CAMTA1: variants seen among roughly 807,000 people sequenced by gnomAD.
The protein encoded by CAMTA1 is calmodulin binding transcription activator 1.
Under a neutral mutation model 170.9 loss-of-function variants are expected in CAMTA1, and 27 were observed. The observed-to-expected ratio is 0.16, with a 90% CI of 0.12 to 0.22. The LOEUF (loss-of-function observed/expected upper bound fraction) is 0.22, where lower values mean the gene tolerates loss of function less well. CAMTA1 is among the 10% of genes least tolerant of loss of function. CAMTA1 has a pLI of 1.00. For missense variants in CAMTA1, 1,619 were observed against 2,217.2 expected (o/e 0.73, Z 5.42); for synonymous variants, 833 against 891.5 (o/e 0.93, Z 1.17).
At position 7,244,920 on chromosome 1, in the gene CAMTA1, A is replaced by T. The variant is rs182914182; in HGVS notation, c.303-4571A>T. On this transcript the variant is annotated intron_variant, in intron 4 of 22. Coordinates refer to ENST00000303635, the MANE Select transcript of CAMTA1 (RefSeq NM_015215.4). Reference sequence around the variant, plus strand: ...TAATAATAAAAATAAATACATAAATAAATTAATTAATTAATTAACTTCGGA... The same window carrying T: ...TAATAATAAAAATAAATACATAAATTAATTAATTAATTAATTAACTTCGGA... Among the ~76,000 whole-genome samples the T allele has an allele frequency of 1.4e-3, 219 of 151,994 alleles. 2 individuals are homozygous for T. Among genetic ancestry groups the T allele is most frequent in the South Asian group, 4.4e-3 (21 of 4,822 alleles).
At chr1:7,430,422 A>G (rs2092102168) in intron 5 of CAMTA1, among the ~76,000 whole-genome samples, 1 of 151,992 alleles carries the variant, frequency 6.6e-6, no homozygotes, top group Non-Finnish European at 1.5e-5. Flanking sequence ...GAGGATGATG[A>G]TGATGGTGGA....
intron 3 of CAMTA1, among the ~76,000 whole-genome samples, chr1:7,069,770 G>A (rs1638361303): frequency 6.6e-6 from 1 of 152,186 alleles, no homozygotes; most frequent in Non-Finnish European, 1.5e-5. Flanking sequence ...GGATCCATTT[G>A]CCAAATCAGC....
intron 11 of CAMTA1, among the ~76,000 whole-genome samples, chr1:7,679,575 GC>G (rs377170123): frequency 0.057 from 5,850 of 103,464 alleles, 257 homozygotes; most frequent in Non-Finnish European, 0.066. Context: ...CTCCCTAGCT[GC>G]CCCCCCCCCC....
intron 5 of CAMTA1, among the ~76,000 whole-genome samples, chr1:7,450,029 C>G (rs1300398287): frequency 2.0e-5 from 3 of 152,080 alleles, no homozygotes; most frequent in Non-Finnish European, 4.4e-5. Flanking sequence ...GCCTGGTGTC[C>G]TGCTTGGAGA....
intron 4 of CAMTA1, among the ~76,000 whole-genome samples, chr1:7,183,316 A>G (rs1363838529): frequency 6.6e-6 from 1 of 152,176 alleles, no homozygotes; most frequent in Non-Finnish European, 1.5e-5. Flanking sequence ...AATGACCCCA[A>G]TAACTCCCAT....
chr1:7,149,747 A>C (rs1039008084), intron 4 of CAMTA1, among the ~76,000 whole-genome samples: 2 of 152,092 alleles, frequency 1.3e-5, no homozygotes, highest in African/African-American at 4.8e-5. Flanking sequence ...TCCCGGAATA[A>C]CTCCGGCCTG....
At chr1:6,874,826 C>T (rs1259077329) in intron 3 of CAMTA1, among the ~76,000 whole-genome samples, 3 of 152,132 alleles carry the variant, frequency 2.0e-5, no homozygotes, top group African/African-American at 4.8e-5. Flanking sequence ...TAGCCTTTCT[C>T]GTTCCCTTTT....
At chr1:7,032,007 C>T (rs1702884580) in intron 3 of CAMTA1, among the ~76,000 whole-genome samples, 1 of 151,806 alleles carries the variant, frequency 6.6e-6, no homozygotes, top group Admixed American at 6.6e-5. Flanking sequence ...GCTCTGTTGC[C>T]TGGGCTGAAG....
chr1:6,835,190 C>G (rs556179832), intron 3 of CAMTA1, among the ~76,000 whole-genome samples: 39 of 152,298 alleles, frequency 2.6e-4, no homozygotes, highest in African/African-American at 9.1e-4. Context: ...ATGCTATTTC[C>G]TGAAACTGCT....
intron 11 of CAMTA1, among the ~76,000 whole-genome samples, chr1:7,689,239 C>T (rs187653845): frequency 7.2e-6 from 1 of 138,594 alleles, no homozygotes; most frequent in African/African-American, 2.8e-5. Context: ...TGCACTCCAA[C>T]CTGGATGACA....
chr1:7,323,507 C>CTTTTTTTTTTTTTTTTTTTTTTTTTTTT (rs56382342), intron 5 of CAMTA1, among the ~76,000 whole-genome samples: 1 of 108,998 alleles, frequency 9.2e-6, no homozygotes, highest in Non-Finnish European at 1.7e-5. Flanking sequence ...CTTTATTCTT[C>CTTTTTTTTTTTTTTTTTTTTTTTTTTTT]TTTTTTTTTT....
In CAMTA1 at chr1:7,216,678, T is replaced by C. The variant is rs1159308130; in HGVS notation, c.303-32813T>C. Among the ~76,000 whole-genome samples, 2 of 152,058 alleles carry C rather than the reference T, an allele frequency of 1.3e-5. No individual in the cohort carries two copies. Among genetic ancestry groups the C allele is most frequent in the African/African-American group, 4.8e-5 (2 of 41,402 alleles). The stretch of plus-strand genomic sequence containing the variant: ...GGCAGGTACCACCACGCCTGGCTAA[T>C]TTTTGTGTTTTTAGTAGAGATAGGG... On this transcript the variant is annotated intron_variant, in intron 4 of 22. Transcript: ENST00000303635. The surrounding 1 kb of genome is among the most constrained non-coding windows in gnomAD (Gnocchi z 4.0).
chr1:7,060,558 T>G (rs575829657), intron 3 of CAMTA1, among the ~76,000 whole-genome samples: 1 of 152,238 alleles, frequency 6.6e-6, no homozygotes, highest in Non-Finnish European at 1.5e-5. Flanking sequence ...TTCAGTCATT[T>G]GCTTCACATA....
chr1:7,654,107 G>A (rs1042248265), intron 7 of CAMTA1, among the ~76,000 whole-genome samples: 9 of 152,232 alleles, frequency 5.9e-5, no homozygotes, highest in East Asian at 3.9e-4. Flanking sequence ...AGGGCTAGGC[G>A]TGGTGGCTCA....
chr1:7,319,009 A>C (rs1677960302), intron 5 of CAMTA1, among the ~76,000 whole-genome samples: 1 of 152,208 alleles, frequency 6.6e-6, no homozygotes, highest in African/African-American at 2.4e-5. Context: ...ATGTTCATTC[A>C]ACTAGTCAGT....
chr1:7,698,074 A>ACCCCCCCCCCCCCCCCC (rs55893283), intron 11 of CAMTA1, among the ~76,000 whole-genome samples: 1 of 98,584 alleles, frequency 1.0e-5, no homozygotes, highest in Non-Finnish European at 2.2e-5. Flanking sequence ...ACGCACTGTG[A>ACCCCCCCCCCCCCCCCC]CCCCCCCCCC....
At chr1:7,341,062 C>T (rs754659203) in intron 5 of CAMTA1, among the ~76,000 whole-genome samples, 17 of 152,230 alleles carry the variant, frequency 1.1e-4, no homozygotes, top group Admixed American at 2.6e-4. Context: ...GCCTTGATGG[C>T]ACTCCATCAC....
intron 11 of CAMTA1, among the ~76,000 whole-genome samples, chr1:7,686,317 C>G (rs2096257308): frequency 1.3e-5 from 2 of 152,086 alleles, no homozygotes; most frequent in African/African-American, 4.8e-5. Context: ...GCTTTATAGG[C>G]CAGGAGAGGT....
chr1:7,144,512 G>GAT lies in CAMTA1; in HGVS notation c.302+53149_302+53150dup, dbSNP rs1330471408. The stretch of plus-strand genomic sequence containing the variant: ...TTCAACCCCTCATGCTATCAGGACC[G>GAT]ATATATATAACACTAGGCAGGATTA... On this transcript the variant is annotated intron_variant, in intron 4 of 22. Transcript: ENST00000303635. This position sits in a 1 kb window ranked among gnomAD's most constrained non-coding sequence, Gnocchi z 4.0. Among the ~76,000 whole-genome samples the GAT allele has an allele frequency of 1.3e-5, 2 of 152,062 alleles. No individual in the cohort carries two copies. Among genetic ancestry groups the GAT allele is most frequent in the Non-Finnish European group, 2.9e-5 (2 of 68,018 alleles).
Sources: gnomAD v4.1 joint callset for allele counts (sites outside exome capture counted in the v4.1 genomes callset) on GRCh38, gnomAD v4.1.1 for gene constraint, Gnocchi (gnomAD v3.1) non-coding constraint, MANE v1.5 for transcripts, NCBI Gene and HGNC (gene_info 2026-07-23, HGNC 2026-07-21) for gene names.